Variants in AGBL1 observed in about 807,000 individuals in gnomAD.
AGBL1 encodes the protein AGBL carboxypeptidase 1.
Under a neutral mutation model 118.9 loss-of-function variants are expected in AGBL1, and 130 were observed. That is an observed-to-expected ratio of 1.09 (90% confidence interval 0.95 to 1.26). AGBL1 has a LOEUF of 1.26. Among genes scored for constraint, AGBL1 ranks in the 50% most tolerant of loss-of-function variants. The pLI is 0.00. For missense variants in AGBL1, 1,584 were observed against 1,298.1 expected (o/e 1.22, Z -3.38); for synonymous variants, 555 against 478.9 (o/e 1.16, Z -2.08).
At position 86,142,054 on chromosome 15, in the gene AGBL1, T is replaced by C. The variant is rs1439703379; in HGVS notation, c.102T>C (p.Asp34=). 1 of 1,550,138 alleles carries C rather than the reference T, an allele frequency of 6.5e-7. No homozygotes were observed. Among genetic ancestry groups the C allele is most frequent in the East Asian group, 2.4e-5 (1 of 40,918 alleles). Residue 34 remains aspartate (D), a synonymous_variant, in exon 2 of 23, where the codon GAT becomes GAC. Coordinates refer to ENST00000614907, the MANE Select transcript of AGBL1 (RefSeq NM_001386094.1). The stretch of plus-strand genomic sequence containing the variant: ...TGACCATCCTCAAGGTCCTCGGAGA[T>C]CTGCTTTCTGTTGGTGAGTAGGCCA... ...SILTILKVLG[D]LLSVGTDRRI...
In AGBL1 at chr15:86,542,668, G is replaced by A. The variant is rs982682002; in HGVS notation, c.2686-3334G>A. 1.3e-4 allele frequency among the ~76,000 whole-genome samples: 19 copies of A among 151,802 alleles called. 1 individual carries two copies. The highest frequency in any genetic ancestry group is 9.2e-4 in the Admixed American group (14 of 15,226). ...CCAGGAGTGAGCCACTGCGCCTGGC[G>A]AGATGGGGTCTTTGATTTTATGGAG... On this transcript the variant is annotated intron_variant, in intron 19 of 22. Coordinates refer to ENST00000614907, the MANE Select transcript of AGBL1 (RefSeq NM_001386094.1).
intron 16 of AGBL1, among the ~76,000 whole-genome samples, chr15:86,285,236 T>G (rs1290317525): frequency 6.6e-6 from 1 of 152,130 alleles, no homozygotes; most frequent in African/African-American, 2.4e-5. Flanking sequence ...GTAGAAGTGT[T>G]AAATACTTGC....
intron 17 of AGBL1, among the ~76,000 whole-genome samples, chr15:86,356,193 T>G (rs1326078072): frequency 2.0e-5 from 3 of 151,868 alleles, no homozygotes; most frequent in Non-Finnish European, 4.4e-5. Flanking sequence ...GAAATGGAAG[T>G]GAGAAATAGA....
intron 5 of AGBL1, among the ~76,000 whole-genome samples, chr15:86,195,963 G>A (rs987717305): frequency 3.9e-5 from 6 of 152,086 alleles, no homozygotes; most frequent in Non-Finnish European, 2.9e-5. Context: ...TTACTGAGGA[G>A]AAAATAAAAA....
At chr15:86,394,010 C>G (rs2081326987) in intron 17 of AGBL1, among the ~76,000 whole-genome samples, 1 of 152,134 alleles carries the variant, frequency 6.6e-6, no homozygotes, top group Non-Finnish European at 1.5e-5. Context: ...GCACCGTAAT[C>G]ATAGATTTCT....
chr15:86,104,569 G>A (rs1896924881), intron 1 of AGBL1, among the ~76,000 whole-genome samples: 1 of 152,112 alleles, frequency 6.6e-6, no homozygotes, highest in Non-Finnish European at 1.5e-5. Flanking sequence ...CAGGGCACAT[G>A]AAAACGCACA....
In AGBL1 at chr15:86,437,220, G is replaced by A. The variant is rs542854037; in HGVS notation, c.2555+39674G>A. 1.2e-4 allele frequency among the ~76,000 whole-genome samples: 18 copies of A among 152,236 alleles called. 1 individual carries two copies. The highest frequency in any genetic ancestry group is 4.1e-4 in the African/African-American group (17 of 41,536). On this transcript the variant is annotated intron_variant, in intron 18 of 22. Coordinates refer to ENST00000614907, the MANE Select transcript of AGBL1 (RefSeq NM_001386094.1). Reference sequence around the variant, plus strand: ...GAATAAATATTGCTGTCAAATATTCGATAGAATTCTAAATATCTTGGTGTT... The same window carrying A: ...GAATAAATATTGCTGTCAAATATTCAATAGAATTCTAAATATCTTGGTGTT...
At chr15:86,888,417 C>T (rs1320374242) in intron 22 of AGBL1, among the ~76,000 whole-genome samples, 3 of 151,638 alleles carry the variant, frequency 2.0e-5, no homozygotes, top group Non-Finnish European at 4.4e-5. Flanking sequence ...ACAGATGAAT[C>T]ATATACCTTT....
At position 86,281,314 on chromosome 15, in the gene AGBL1, T is replaced by C. The variant is rs552678426; in HGVS notation, c.2220+1531T>C. 1.5e-3 allele frequency among the ~76,000 whole-genome samples: 227 copies of C among 152,184 alleles called. 5 individuals carry two copies. The South Asian group carries it at 0.046, about 31-fold the overall frequency. ...TGGAGGATCACTTGGGCTCAGGAGG[T>C]TGAGGCTGCAGTGAGCCAGGATCAC... On this transcript the variant is annotated intron_variant, in intron 16 of 22. Coordinates refer to ENST00000614907, the MANE Select transcript of AGBL1 (RefSeq NM_001386094.1).
At chr15:86,975,291 C>CA (rs963363589) in intron 23 of AGBL1, among the ~76,000 whole-genome samples, 1 of 151,982 alleles carries the variant, frequency 6.6e-6, no homozygotes, top group African/African-American at 2.4e-5. Flanking sequence ...GAAGGAGGAG[C>CA]AAAATCACTT....
intron 23 of AGBL1, among the ~76,000 whole-genome samples, chr15:86,968,475 G>C (rs1191617160): frequency 1.3e-5 from 2 of 151,844 alleles, no homozygotes; most frequent in Admixed American, 6.6e-5. Flanking sequence ...AAATGGCCAG[G>C]GGGATTATCG....
At chr15:86,521,815 C>T (rs1262968026) in intron 18 of AGBL1, among the ~76,000 whole-genome samples, 1 of 152,130 alleles carries the variant, frequency 6.6e-6, no homozygotes, top group Admixed American at 6.5e-5. Context: ...AGCAATTCCA[C>T]TGAGCTTGGG....
rs1474501613 is a variant in AGBL1 at position 86,364,958 on chromosome 15, C to CACACATATATATATATATATATATATAT, written c.2375-32407_2375-32406insCACATATATATATATATATATATATATA. On this transcript the variant is annotated intron_variant, in intron 17 of 22. Transcript: ENST00000614907. ...GAGCCGCATTGATTTATATGTCACA[C>CACACATATATATATATATATATATATAT]ATATATATATATATATATATATATA... 1.2e-3 allele frequency among the ~76,000 whole-genome samples: 91 copies of CACACATATATATATATATATATATATAT among 76,122 alleles called. 1 individual carries two copies. The highest frequency in any genetic ancestry group is 2.3e-3 in the Admixed American group (14 of 5,988). The allele number at this position is 76,122 out of a possible 152,430, so 49.9% of individuals were successfully genotyped here.
intron 17 of AGBL1, among the ~76,000 whole-genome samples, chr15:86,310,557 A>G (rs1342571331): frequency 1.3e-5 from 2 of 151,870 alleles, no homozygotes; most frequent in Admixed American, 6.6e-5. Context: ...TTAGTTCTCC[A>G]AGGGTCAGCC....
chr15:86,396,199 AATC>A (rs1235822644), intron 17 of AGBL1, among the ~76,000 whole-genome samples: 1 of 146,670 alleles, frequency 6.8e-6, no homozygotes, highest in Non-Finnish European at 1.5e-5. Context: ...ATATATATAA[AATC>A]ATATACGTGT....
chr15:86,575,007 G>A (rs1257127239), intron 21 of AGBL1, among the ~76,000 whole-genome samples: 1 of 151,550 alleles, frequency 6.6e-6, no homozygotes, highest in Non-Finnish European at 1.5e-5. Context: ...TAACCAATAT[G>A]GTGAAACCCC....
chr15:86,728,634 C>CA (rs1248439150), intron 22 of AGBL1, among the ~76,000 whole-genome samples: 1 of 152,144 alleles, frequency 6.6e-6, no homozygotes, highest in East Asian at 1.9e-4. Flanking sequence ...AATTGTTTTG[C>CA]ATTAAGTTTT....
At chr15:86,499,660 A>G (rs912813809) in intron 18 of AGBL1, among the ~76,000 whole-genome samples, 1 of 151,932 alleles carries the variant, frequency 6.6e-6, no homozygotes, top group Admixed American at 6.6e-5. Flanking sequence ...TCAATTCTGG[A>G]CTGGTCCCAT....
chr15:86,813,032 A>C (rs1459403361), intron 22 of AGBL1, among the ~76,000 whole-genome samples: 2 of 152,094 alleles, frequency 1.3e-5, no homozygotes, highest in South Asian at 4.1e-4. Flanking sequence ...CAAGAGGAAG[A>C]AAGTGGGTCA....
Sources: gnomAD v4.1 joint callset for allele counts (sites outside exome capture counted in the v4.1 genomes callset) on GRCh38, gnomAD v4.1.1 for gene constraint, MANE v1.5 for transcripts, NCBI Gene and HGNC (gene_info 2026-07-23, HGNC 2026-07-21) for gene names.